Variants in NAALADL2 observed in about 807,000 individuals in gnomAD.
NAALADL2 encodes N-acetylated alpha-linked acidic dipeptidase like 2, also known as inactive N-acetylated-alpha-linked acidic dipeptidase-like protein 2.
Under a neutral mutation model 87.2 loss-of-function variants are expected in NAALADL2, and 76 were observed. The observed-to-expected ratio is 0.87, with a 90% CI of 0.72 to 1.05. NAALADL2 has a LOEUF of 1.05. Ranked by LOEUF, NAALADL2 falls within the 50% of genes least tolerant of loss-of-function variation. The probability of loss-of-function intolerance (pLI) is 0.00; values close to 1 mark genes in which losing one functional copy is unlikely to be tolerated. For synonymous variants in NAALADL2, 354 were observed against 331.0 expected, an observed-to-expected ratio of 1.07 and a Z score of -0.75; for missense variants, 1,089 against 945.8, an observed-to-expected ratio of 1.15 and a Z score of -1.99.
chr3:174,829,396 G>A (rs1270120364), intron 3 of NAALADL2, among the ~76,000 whole-genome samples: 1 of 149,242 alleles, frequency 6.7e-6, no homozygotes, highest in Non-Finnish European at 1.5e-5. Context: ...ATAGTTTACT[G>A]AGAATGATGG....
chr3:175,295,505 C>A (rs1371508960), intron 4 of NAALADL2, among the ~76,000 whole-genome samples: 2 of 151,934 alleles, frequency 1.3e-5, no homozygotes, highest in African/African-American at 4.8e-5. Context: ...TGCCCTCGTA[C>A]AAAAAAATTA....
intron 1 of NAALADL2, among the ~76,000 whole-genome samples, chr3:174,465,770 TGTG>T (rs1364150721): frequency 2.0e-5 from 3 of 152,242 alleles, no homozygotes; most frequent in African/African-American, 7.2e-5. Context: ...ATTTTTTACT[TGTG>T]GTCTTACACC....
chr3:175,114,077 A>G (rs1395350170), intron 2 of NAALADL2, among the ~76,000 whole-genome samples: 1 of 151,610 alleles, frequency 6.6e-6, no homozygotes, highest in African/African-American at 2.4e-5. Context: ...ATTTGTTAGG[A>G]AGTAGGAGTG....
At chr3:174,444,950 T>A (rs1284776786) in intron 1 of NAALADL2, among the ~76,000 whole-genome samples, 1 of 152,026 alleles carries the variant, frequency 6.6e-6, no homozygotes, top group East Asian at 1.9e-4. Context: ...TACTCATAGA[T>A]ATTGAGCAGT....
At chr3:175,679,245 G>A (rs1490589485) in intron 11 of NAALADL2, among the ~76,000 whole-genome samples, 3 of 147,722 alleles carry the variant, frequency 2.0e-5, no homozygotes, top group Non-Finnish European at 4.4e-5. Flanking sequence ...TCAGAGGCCT[G>A]ACAACATGTA....
intron 5 of NAALADL2, among the ~76,000 whole-genome samples, chr3:175,429,331 T>C (rs1304931915): frequency 6.6e-6 from 1 of 152,022 alleles, no homozygotes; most frequent in Non-Finnish European, 1.5e-5. Flanking sequence ...AGACAAGATA[T>C]GTTTCATGCT....
At chr3:174,954,071 A>T (rs1477621738) in intron 1 of NAALADL2, among the ~76,000 whole-genome samples, 1 of 152,006 alleles carries the variant, frequency 6.6e-6, no homozygotes, top group African/African-American at 2.4e-5. Context: ...CTACCTGGGG[A>T]TTTGACCCCA....
intron 5 of NAALADL2, among the ~76,000 whole-genome samples, chr3:175,415,554 C>T (rs1192051187): frequency 6.6e-6 from 1 of 151,990 alleles, no homozygotes; most frequent in Non-Finnish European, 1.5e-5. Context: ...AATACAAAGA[C>T]TAAACAAACA....
chr3:174,603,481 AT>A (rs1389212247), intron 2 of NAALADL2, among the ~76,000 whole-genome samples: 1 of 151,638 alleles, frequency 6.6e-6, no homozygotes, highest in African/African-American at 2.4e-5. Flanking sequence ...GATTTTATGT[AT>A]TTGGGCCTTC....
chr3:175,558,372 C>A (rs1715704810), intron 9 of NAALADL2, among the ~76,000 whole-genome samples: 1 of 151,460 alleles, frequency 6.6e-6, no homozygotes, highest in Admixed American at 6.6e-5. Context: ...TTCTCTCATT[C>A]TGTGGGTTGC....
At chr3:175,188,346 T>C (rs1422255477) in intron 2 of NAALADL2, among the ~76,000 whole-genome samples, 1 of 152,064 alleles carries the variant, frequency 6.6e-6, no homozygotes, top group Admixed American at 6.5e-5. Context: ...AATCATCCCC[T>C]AATATTGCTC....
At chr3:174,617,636 T>A (rs1720588302) in intron 2 of NAALADL2, among the ~76,000 whole-genome samples, 1 of 151,692 alleles carries the variant, frequency 6.6e-6, no homozygotes, top group Non-Finnish European at 1.5e-5. Flanking sequence ...GACCTATGTC[T>A]ACAGAGTCAT....
At chr3:174,940,298 G>A (rs554718916) in intron 1 of NAALADL2, among the ~76,000 whole-genome samples, 3 of 152,060 alleles carry the variant, frequency 2.0e-5, no homozygotes, top group South Asian at 4.2e-4. Flanking sequence ...TTCTGTTTAT[G>A]TGATGAATCA....
At position 174,882,778 on chromosome 3, in the gene NAALADL2, T is replaced by C. The variant is rs536548864; in HGVS notation, c.43+23328T>C. Among the ~76,000 whole-genome samples, 12 of 129,418 alleles carry C rather than the reference T, an allele frequency of 9.3e-5. No homozygotes were observed. The East Asian group carries it at 1.0e-3, about 11-fold the overall frequency. 84.9% of individuals were successfully genotyped at this position (129,418 alleles called of 152,430 possible). A position where few individuals can be genotyped will look rare whatever the true frequency, so the allele number is the denominator to read the frequency against. On this transcript the variant is annotated intron_variant, in intron 1 of 13. Transcript: ENST00000454872. ...GTGTATATATACACACGTGTATATA[T>C]ACATATGTGTATATATACACGTGTG...
At chr3:174,877,755 G>T (rs1344501086) in intron 1 of NAALADL2, among the ~76,000 whole-genome samples, 1 of 151,954 alleles carries the variant, frequency 6.6e-6, no homozygotes, top group African/African-American at 2.4e-5. Context: ...AAGACCAATG[G>T]ATAGCAGCTA....
intron 3 of NAALADL2, among the ~76,000 whole-genome samples, chr3:174,847,296 G>A (rs912871754): frequency 7.9e-5 from 12 of 152,166 alleles, no homozygotes; most frequent in African/African-American, 2.9e-4. Context: ...CCCAACCTGG[G>A]ATTTCTTGGC....
intron 6 of NAALADL2, among the ~76,000 whole-genome samples, chr3:175,462,966 C>A (rs772148898): frequency 6.6e-6 from 1 of 152,098 alleles, no homozygotes; most frequent in Non-Finnish European, 1.5e-5. Context: ...GTGAGTCATA[C>A]TGGAAAGGTT....
At chr3:174,873,357 T>G (rs1728097533) in intron 1 of NAALADL2, among the ~76,000 whole-genome samples, 1 of 151,868 alleles carries the variant, frequency 6.6e-6, no homozygotes, top group Admixed American at 6.6e-5. Context: ...CGGGTTCAAG[T>G]GATTCTCCTG....
intron 1 of NAALADL2, among the ~76,000 whole-genome samples, chr3:174,908,451 G>A (rs915141166): frequency 6.6e-6 from 1 of 152,020 alleles, no homozygotes; most frequent in Non-Finnish European, 1.5e-5. Context: ...ATCAGTCAAC[G>A]ATGGCTCTAG....
Sources: gnomAD v4.1 joint callset for allele counts (sites outside exome capture counted in the v4.1 genomes callset) on GRCh38, gnomAD v4.1.1 for gene constraint, MANE v1.5 for transcripts, NCBI Gene and HGNC (gene_info 2026-07-23, HGNC 2026-07-21) for gene names.